Variants in GRIA4 observed in about 807,000 individuals in gnomAD.
The protein encoded by GRIA4 is glutamate receptor 4.
GRIA4 carries 34 observed loss-of-function variants against 104.0 expected under a neutral mutation model. The ratio of observed to expected loss-of-function variants is 0.33; its 90% CI spans 0.25 to 0.44. GRIA4 has a LOEUF of 0.44. Ranked by LOEUF, GRIA4 falls within the 20% of genes least tolerant of loss-of-function variation. GRIA4 has a pLI of 1.00. For synonymous variants in GRIA4, 386 were observed against 381.9 expected, an observed-to-expected ratio of 1.01 and a Z score of -0.13; for missense variants, 750 against 1,096.5, an observed-to-expected ratio of 0.68 and a Z score of 4.46.
At chr11:105,776,643 C>T (rs553169588) in intron 4 of GRIA4, among the ~76,000 whole-genome samples, 1 of 152,254 alleles carries the variant, frequency 6.6e-6, no homozygotes, top group East Asian at 1.9e-4. Context: ...CACCTGCAGT[C>T]TCCCTAGTCC....
intron 4 of GRIA4, among the ~76,000 whole-genome samples, chr11:105,818,999 G>A (rs2135895887): frequency 6.6e-6 from 1 of 152,220 alleles, no homozygotes; most frequent in East Asian, 1.9e-4. Flanking sequence ...TCAGGACAAT[G>A]GAAAACAATT....
intron 14 of GRIA4, among the ~76,000 whole-genome samples, chr11:105,935,322 A>G (rs971723629): frequency 2.6e-5 from 4 of 152,206 alleles, no homozygotes; most frequent in African/African-American, 9.6e-5. Context: ...TTCTGAAGTC[A>G]GACTTATTAA....
intron 14 of GRIA4, among the ~76,000 whole-genome samples, chr11:105,943,195 T>C (rs893918562): frequency 1.8e-4 from 28 of 152,256 alleles, no homozygotes; most frequent in African/African-American, 6.7e-4. Context: ...TTGCAGCATA[T>C]CTTCGTTGTG....
chr11:105,704,445 C>T (rs990933631), intron 3 of GRIA4, among the ~76,000 whole-genome samples: 15 of 151,766 alleles, frequency 9.9e-5, no homozygotes, highest in African/African-American at 3.4e-4. Flanking sequence ...TGGTTATAGT[C>T]CACAGAGAAA....
intron 4 of GRIA4, among the ~76,000 whole-genome samples, chr11:105,845,877 A>T (rs1365431128): frequency 2.0e-5 from 3 of 152,036 alleles, no homozygotes; most frequent in Non-Finnish European, 4.4e-5. Context: ...GGCGACAGAG[A>T]GAGACTCCGT....
chr11:105,641,259 C>A (rs866645362), intron 3 of GRIA4, among the ~76,000 whole-genome samples: 2 of 152,040 alleles, frequency 1.3e-5, no homozygotes, highest in African/African-American at 4.8e-5. Context: ...TAATTTTAAT[C>A]TGAGCACTAC....
At chr11:105,765,583 AG>A (rs1392243432) in intron 4 of GRIA4, among the ~76,000 whole-genome samples, 1 of 152,232 alleles carries the variant, frequency 6.6e-6, no homozygotes, top group African/African-American at 2.4e-5. Context: ...CTAGTTTATC[AG>A]TAAACTTCAA....
At chr11:105,765,731 A>G (rs752435077) in intron 4 of GRIA4, among the ~76,000 whole-genome samples, 1 of 152,208 alleles carries the variant, frequency 6.6e-6, no homozygotes, top group African/African-American at 2.4e-5. Context: ...TCATTTATTT[A>G]CATTTCTTTT....
intron 3 of GRIA4, among the ~76,000 whole-genome samples, chr11:105,626,848 T>C (rs1950898609): frequency 6.6e-6 from 1 of 152,174 alleles, no homozygotes; most frequent in Non-Finnish European, 1.5e-5. Flanking sequence ...TCTAGTCAGA[T>C]GCAAAAAAAG....
At chr11:105,621,989 T>C (rs1007206993) in intron 3 of GRIA4, among the ~76,000 whole-genome samples, 9 of 150,230 alleles carry the variant, frequency 6.0e-5, no homozygotes, top group Admixed American at 1.3e-4. Context: ...GTGTACTTCT[T>C]TCTCTGTTTT....
intron 14 of GRIA4, chr11:105,965,817 G>A: frequency 2.8e-6 from 2 of 704,224 alleles, no homozygotes; most frequent in Non-Finnish European, 5.0e-6. Context: ...CAGAGGAAGG[G>A]GCTGCAGGAT....
In GRIA4 at chr11:105,749,702, A is replaced by G. The variant is rs370462649; in HGVS notation, c.248-3279A>G. Among the ~76,000 whole-genome samples, 23 of 152,338 alleles carry G rather than the reference A, an allele frequency of 1.5e-4. 1 individual carries two copies. Among genetic ancestry groups the G allele is most frequent in the African/African-American group, 4.8e-4 (20 of 41,576 alleles). On this transcript the variant is annotated intron_variant, in intron 3 of 16. Coordinates refer to ENST00000282499, the MANE Select transcript of GRIA4 (RefSeq NM_000829.4). Reference sequence around the variant, plus strand: ...TTGGGAATGAACCTGATGAGAAGACATATTTAATTAGTTGACACAATCAGG... The same window carrying G: ...TTGGGAATGAACCTGATGAGAAGACGTATTTAATTAGTTGACACAATCAGG...
intron 3 of GRIA4, among the ~76,000 whole-genome samples, chr11:105,692,940 C>G (rs1953141723): frequency 6.6e-6 from 1 of 151,834 alleles, no homozygotes; most frequent in Non-Finnish European, 1.5e-5. Context: ...TTGTGCTTCT[C>G]AAAAAGAAAA....
chr11:105,820,889 G>A (rs1252447142), intron 4 of GRIA4, among the ~76,000 whole-genome samples: 1 of 152,088 alleles, frequency 6.6e-6, no homozygotes, highest in Non-Finnish European at 1.5e-5. Context: ...TGCAATCTTT[G>A]TCTTATTTTC....
rs368801972 is a variant in GRIA4 at position 105,679,317 on chromosome 11, C to T, written c.247+66883C>T. On this transcript the variant is annotated intron_variant, in intron 3 of 16. Coordinates refer to ENST00000282499, the MANE Select transcript of GRIA4 (RefSeq NM_000829.4). The stretch of plus-strand genomic sequence containing the variant: ...GTTAATCTCATCCACAAAACACCCT[C>T]AGAGAAATAGCCAGAATAATATTTG... 1.3e-4 allele frequency among the ~76,000 whole-genome samples: 20 copies of T among 152,270 alleles called. No individual in the cohort carries two copies. The East Asian group carries it at 1.9e-3, about 15-fold the overall frequency.
Position 105,753,129 on chromosome 11 carries a change from G to T in GRIA4, c.396G>T (p.Leu132=). The change falls in exon 4 of 17, where the codon CTG becomes CTT. Residue 132 remains leucine, a synonymous_variant. Transcript: ENST00000282499. The part of the protein sequence containing the change: ...FPTEGESQFV[L]QLRPSLRGAL... ...CTGAGGGGGAGAGCCAGTTTGTGCT[G>T]CAACTAAGACCTTCGTTACGAGGAG... 1 of 1,613,786 alleles carries T rather than the reference G, an allele frequency of 6.2e-7. No homozygotes were observed. Among genetic ancestry groups the T allele is most frequent in the Non-Finnish European group, 8.5e-7 (1 of 1,179,818 alleles).
chr11:105,920,447 A>C (rs2136187652), intron 11 of GRIA4, among the ~76,000 whole-genome samples: 1 of 152,226 alleles, frequency 6.6e-6, no homozygotes, highest in East Asian at 1.9e-4. Flanking sequence ...ATCTCAAAAA[A>C]TCATACTTGG....
intron 14 of GRIA4, among the ~76,000 whole-genome samples, chr11:105,956,640 G>C (rs562004864): frequency 6.6e-6 from 1 of 152,124 alleles, no homozygotes; most frequent in Admixed American, 6.5e-5. Context: ...GGATGGCTGG[G>C]CCAAATGGTA....
At chr11:105,739,699 T>A (rs1350049990) in intron 3 of GRIA4, among the ~76,000 whole-genome samples, 1 of 152,126 alleles carries the variant, frequency 6.6e-6, no homozygotes, top group Non-Finnish European at 1.5e-5. Context: ...CCTTTTCAAA[T>A]CTGAACATGA....
Sources: allele counts gnomAD v4.1 joint callset (sites outside exome capture counted in the v4.1 genomes callset), GRCh38; gene constraint gnomAD v4.1.1; transcripts MANE v1.5; gene names NCBI Gene and HGNC (gene_info 2026-07-23, HGNC 2026-07-21).